The following BTBD2 variants were observed in gnomAD, a reference collection of about 807,000 sequenced individuals.
BTBD2 encodes BTB/POZ domain-containing protein 2.
BTBD2 carries 15 observed loss-of-function variants against 44.0 expected under a neutral mutation model. The observed-to-expected ratio is 0.34, with a 90% CI of 0.23 to 0.53. The LOEUF (loss-of-function observed/expected upper bound fraction) is 0.53. Among genes scored for constraint, BTBD2 ranks in the 20% least tolerant of loss-of-function variants. The pLI is 0.95. For synonymous variants in BTBD2, 443 were observed against 335.9 expected (o/e 1.32, Z -3.49); for missense variants, 657 against 746.4 (o/e 0.88, Z 1.39).
chr19:1,997,645 G>A (rs745435755), intron 1 of BTBD2, among the ~76,000 whole-genome samples, 182 bp from the exon 2 acceptor site: 67 of 152,258 alleles, frequency 4.4e-4, no homozygotes, highest in Non-Finnish European at 8.7e-4. Flanking sequence ...GGAGGGTGAT[G>A]CAGACGGACC....
intron 2 of BTBD2, among the ~76,000 whole-genome samples, chr19:1,997,050 C>T (rs892301037): frequency 2.0e-5 from 3 of 151,614 alleles, no homozygotes; most frequent in South Asian, 2.1e-4. Context: ...CGTGGTGGCA[C>T]GAGCCTGTAG....
At chr19:1,989,665 G>A (rs887044613) in intron 5 of BTBD2, 12 of 355,014 alleles carry the variant, frequency 3.4e-5, no homozygotes, top group African/African-American at 2.5e-4. Context: ...CCATGTCAGA[G>A]CCCTCCTGAG....
Position 2,004,180 on chromosome 19 carries a change from C to T in BTBD2, c.408-6717G>A, listed in dbSNP as rs577695743. 2.0e-5 allele frequency among the ~76,000 whole-genome samples: 3 copies of T among 152,004 alleles called. No individual in the cohort carries two copies. The South Asian group carries it at 6.2e-4, about 32-fold the overall frequency. On this transcript the variant is annotated intron_variant, in intron 1 of 8. Coordinates refer to ENST00000255608, the MANE Select transcript of BTBD2 (RefSeq NM_017797.4). ...CATATATTGATTGATGTCTCATGTC[C>T]CCTAACATGTATAAAACCAACCTGT... is the stretch of plus-strand genomic sequence containing the variant.
chr19:2,004,952 T>C (rs1041559717), intron 1 of BTBD2, among the ~76,000 whole-genome samples: 3 of 151,952 alleles, frequency 2.0e-5, no homozygotes, highest in African/African-American at 7.3e-5. Context: ...CCCGAGTAGC[T>C]GGGACTACAG....
chr19:1,986,383 G>A lies in BTBD2; in HGVS notation c.*105C>T. 2.9e-6 allele frequency: 4 copies of A among 1,403,124 alleles called. No individual in the cohort carries two copies. Among genetic ancestry groups the A allele is most frequent in the Non-Finnish European group, 4.0e-6 (4 of 1,008,246 alleles). The allele number at this position is 1,403,124 out of a possible 1,614,324, so 86.9% of individuals were successfully genotyped here. ...GCATGGAGTGGACAGACGGCCTGGGGGACACTGGGCCTGGCACCGCGTGGT... is the reference window on the plus strand; with the variant it reads ...GCATGGAGTGGACAGACGGCCTGGGAGACACTGGGCCTGGCACCGCGTGGT... On this transcript the variant is annotated 3_prime_UTR_variant, in exon 9 of 9. Transcript: ENST00000255608.
intron 2 of BTBD2, 82 bp downstream of exon 2, chr19:1,997,262 C>T (rs1030170097): frequency 6.3e-7 from 1 of 1,583,392 alleles, no homozygotes; most frequent in Non-Finnish European, 8.6e-7. Flanking sequence ...GGCCTCTGAG[C>T]TGGTGTCAGA....
chr19:1,993,153 T>A lies in BTBD2; in HGVS notation c.551A>T (p.Gln184Leu). The part of the protein sequence containing the change: ...LLKFLYSDEV[Q>L]IGPETVMTTL... Reference sequence around the variant, plus strand: ...GGTCATCACCGTCTCCGGGCCAATCTGCACCTCGTCCGAGTAGAGAAACCT... The same window carrying A: ...GGTCATCACCGTCTCCGGGCCAATCAGCACCTCGTCCGAGTAGAGAAACCT... The change falls in exon 3 of 9, where the codon CAG becomes CTG. Residue 184 changes from glutamine to leucine, a missense_variant. By Grantham distance (113) the Gln-to-Leu change is moderately radical. Coordinates refer to ENST00000255608, the MANE Select transcript of BTBD2 (RefSeq NM_017797.4). 1 of 1,604,378 alleles carries A rather than the reference T, an allele frequency of 6.2e-7. No homozygotes were observed.
chr19:1,990,119 C>T lies in BTBD2; in HGVS notation c.873G>A (p.Glu291=). 6 of 1,612,810 alleles carry T rather than the reference C, an allele frequency of 3.7e-6. No homozygotes were observed. The highest frequency in any genetic ancestry group is 2.2e-5 in the South Asian group (2 of 91,042). The part of the protein sequence containing the change: ...RLFNAVVRWS[E]AECQRQQLQV... ...GCAGCTGCTGCCGCTGACACTCGGC[C>T]TCGGACCAGCGGACAACGGCATTGA... The change falls in exon 5 of 9, where the codon GAG becomes GAA. Residue 291 remains glutamate, a synonymous_variant. Transcript: ENST00000255608.
chr19:1,986,602 G>C lies in BTBD2; in HGVS notation c.1464C>G (p.His488Gln), dbSNP rs199725672. Reference sequence around the variant, plus strand: ...TCTTGGCGCCCGTGGTGGGCGACTCGTGTGTCACCTTGCGCAGGCCTTTGG... The same window carrying C: ...TCTTGGCGCCCGTGGTGGGCGACTCCTGTGTCACCTTGCGCAGGCCTTTGG... Reference protein sequence around the residue: ...YGTKGLRKVTHESPTTGAKTC... With the variant: ...YGTKGLRKVTQESPTTGAKTC... Residue 488 changes from histidine to glutamine, a missense_variant, in exon 9 of 9, where the codon CAC becomes CAG. Physicochemically the swap from His to Gln is conservative, Grantham distance 24 (BLOSUM62 0). Coordinates refer to ENST00000255608, the MANE Select transcript of BTBD2 (RefSeq NM_017797.4). 1 of 1,613,970 alleles carries C rather than the reference G, an allele frequency of 6.2e-7. No individual in the cohort carries two copies. The highest frequency in any genetic ancestry group is 8.5e-7 in the Non-Finnish European group (1 of 1,179,910).
chr19:1,987,316 C>A (rs1051287159), intron 6 of BTBD2, 63 bp from the exon 7 acceptor site: 1 of 1,573,802 alleles, frequency 6.4e-7, no homozygotes, highest in Non-Finnish European at 8.7e-7. Flanking sequence ...TGAGCTGGGG[C>A]GAGCCCACCC....
intron 1 of BTBD2, among the ~76,000 whole-genome samples, chr19:2,001,737 C>G: frequency 6.6e-6 from 1 of 152,194 alleles, no homozygotes; most frequent in Non-Finnish European, 1.5e-5. Context: ...GCAAGATGTC[C>G]TTGCTGTTTT....
At chr19:1,991,124 G>A (rs1390609687) in intron 3 of BTBD2, 5 of 300,932 alleles carry the variant, frequency 1.7e-5, no homozygotes, top group East Asian at 8.7e-5. Flanking sequence ...CAAAAGGGGC[G>A]TTGCAGCTGC....
chr19:1,989,037 C>G (rs569014977), intron 5 of BTBD2, among the ~76,000 whole-genome samples: 5 of 152,068 alleles, frequency 3.3e-5, no homozygotes, highest in Non-Finnish European at 5.9e-5. Flanking sequence ...CTCAGCCTCC[C>G]GGGTAGCTGG....
chr19:1,996,949 G>A (rs552908773), intron 2 of BTBD2, among the ~76,000 whole-genome samples: 2 of 152,244 alleles, frequency 1.3e-5, no homozygotes, highest in East Asian at 3.9e-4. Context: ...TTGGGAGGCT[G>A]AGGTGGGTGG....
intron 6 of BTBD2, 115 bp downstream of exon 6, chr19:1,987,385 C>G: frequency 7.1e-7 from 1 of 1,401,278 alleles, no homozygotes; most frequent in Non-Finnish European, 9.4e-7. Context: ...GGCGGCCCCC[C>G]CGCCGTCTTC....
chr19:2,015,294 C>T lies in BTBD2; in HGVS notation c.407+3G>A. ...CCAGGGCTGGCGGGGTCGGGGCGCC[C>T]ACCTGTGCGCGGGGATGCGCTGCGA... is the stretch of plus-strand genomic sequence containing the variant. On this transcript the variant is annotated splice_donor_region_variant and intron_variant, in intron 1 of 8. Transcript: ENST00000255608. The T allele has an allele frequency of 6.4e-7, 1 of 1,550,716 alleles. No homozygotes were observed.
At chr19:1,986,780 A>C in intron 8 of BTBD2, 50 bp downstream of exon 8, 3 of 1,572,898 alleles carry the variant, frequency 1.9e-6, no homozygotes, top group Non-Finnish European at 2.6e-6. Context: ...CGGTGGCTTC[A>C]GGATGGGCCA....
chr19:1,991,703 C>G (rs927661356), intron 3 of BTBD2, among the ~76,000 whole-genome samples: 4 of 152,194 alleles, frequency 2.6e-5, no homozygotes, highest in African/African-American at 9.7e-5. Context: ...GCTGTCCCCT[C>G]TGGCCACCCT....
chr19:1,991,123 C>A, intron 3 of BTBD2: 1 of 298,324 alleles, frequency 3.4e-6, no homozygotes. Flanking sequence ...GCAAAAGGGG[C>A]GTTGCAGCTG....
Sources: allele counts gnomAD v4.1 joint callset (sites outside exome capture counted in the v4.1 genomes callset), GRCh38; gene constraint gnomAD v4.1.1; transcripts MANE v1.5; gene names NCBI Gene and HGNC (gene_info 2026-07-23, HGNC 2026-07-21).